Variants in PTK7 observed in about 807,000 individuals in gnomAD.
The protein encoded by PTK7 is protein tyrosine kinase 7 (inactive).
In PTK7, 39 loss-of-function variants were observed where a neutral mutation model predicts 116.6. The observed-to-expected ratio is 0.33, with a 90% confidence interval of 0.26 to 0.44. The LOEUF is 0.44. Among genes scored for constraint, PTK7 ranks in the 20% least tolerant of loss-of-function variants. PTK7 has a pLI of 1.00. For synonymous variants in PTK7, 546 were observed against 563.6 expected, an observed-to-expected ratio of 0.97 and a Z score of 0.44; for missense variants, 1,169 against 1,425.6, an observed-to-expected ratio of 0.82 and a Z score of 2.90.
intron 1 of PTK7, among the ~76,000 whole-genome samples, chr6:43,125,430 G>C (rs1561961552): frequency 6.6e-6 from 1 of 152,234 alleles, no homozygotes. Flanking sequence ...CCGAGGCTGA[G>C]CTGGGGTCTC....
At chr6:43,157,026 ATTATC>A (rs1771473842) in intron 17 of PTK7, among the ~76,000 whole-genome samples, 1 of 151,950 alleles carries the variant, frequency 6.6e-6, no homozygotes, top group Admixed American at 6.6e-5. Context: ...ATGGAATTAT[ATTATC>A]TAGGAACATG....
chr6:43,100,282 C>T (rs926572843), intron 1 of PTK7, among the ~76,000 whole-genome samples: 1 of 151,624 alleles, frequency 6.6e-6, no homozygotes, highest in African/African-American at 2.4e-5. Flanking sequence ...ACTCAGGAGG[C>T]TGAGGCAGGA....
At chr6:43,150,398 G>A (rs964683538) in intron 17 of PTK7, among the ~76,000 whole-genome samples, 17 of 152,196 alleles carry the variant, frequency 1.1e-4, no homozygotes, top group African/African-American at 3.9e-4. Flanking sequence ...AGGAAACACC[G>A]AATTGGCTTG....
chr6:43,157,326 C>CCATATATATATATATATATA (rs1771496006), intron 17 of PTK7, among the ~76,000 whole-genome samples: 1 of 22,006 alleles, frequency 4.5e-5, no homozygotes, highest in Non-Finnish European at 8.0e-5. Flanking sequence ...GACACACACG[C>CCATATATATATATATATATA]TATATATATA....
chr6:43,138,744 T>A, intron 7 of PTK7, 105 bp from the exon 8 acceptor site: 1 of 1,451,424 alleles, frequency 6.9e-7, no homozygotes, highest in South Asian at 1.4e-5. Flanking sequence ...AGCATGGGGC[T>A]TCTGAACTCA....
In PTK7 at chr6:43,139,367, C is replaced by T. The variant is rs757556798; in HGVS notation, c.1499-39C>T. 5.0e-6 allele frequency: 8 copies of T among 1,613,956 alleles called. No individual in the cohort carries two copies. In the East Asian group the frequency reaches 1.3e-4, roughly 27 times the overall value. ...CCTGGCCACGGCCTCTCCAGCGGCCCCAATTCCTCGTCTTTCTACCCACCC... is the reference window on the plus strand; with the variant it reads ...CCTGGCCACGGCCTCTCCAGCGGCCTCAATTCCTCGTCTTTCTACCCACCC... On this transcript the variant is annotated intron_variant, in intron 9 of 19. Coordinates refer to ENST00000230419, the MANE Select transcript of PTK7 (RefSeq NM_002821.5). This position sits in a 1 kb window ranked among gnomAD's most constrained non-coding sequence, Gnocchi z 4.6.
intron 17 of PTK7, among the ~76,000 whole-genome samples, chr6:43,156,228 C>CAAAAA (rs5875828): frequency 2.1e-5 from 1 of 47,278 alleles, no homozygotes; most frequent in Non-Finnish European, 3.7e-5. Flanking sequence ...TACCCTGTCT[C>CAAAAA]AAAAAAAAAA....
chr6:43,155,828 C>T (rs953677027), intron 17 of PTK7, among the ~76,000 whole-genome samples: 12 of 152,126 alleles, frequency 7.9e-5, no homozygotes, highest in African/African-American at 2.9e-4. Flanking sequence ...TTCTAGACTT[C>T]GTCTTAGGTA....
intron 17 of PTK7, among the ~76,000 whole-genome samples, chr6:43,150,914 C>T (rs3793008): frequency 0.27 from 40,295 of 147,986 alleles, 5,449 homozygotes; most frequent in Middle Eastern, 0.42. Context: ...TAGCTGGGAT[C>T]GCTCTTCAAG....
chr6:43,105,795 T>G (rs2150396101), intron 1 of PTK7, among the ~76,000 whole-genome samples: 1 of 152,246 alleles, frequency 6.6e-6, no homozygotes, highest in African/African-American at 2.4e-5. Context: ...GACAGAGGCG[T>G]GGAACAGACT....
At chr6:43,123,961 C>T (rs889584206) in intron 1 of PTK7, among the ~76,000 whole-genome samples, 1 of 152,146 alleles carries the variant, frequency 6.6e-6, no homozygotes, top group African/African-American at 2.4e-5. Context: ...ACTAAGGTAG[C>T]GTCACTAGGG....
At chr6:43,125,446 G>A (rs1184622425) in intron 1 of PTK7, among the ~76,000 whole-genome samples, 3 of 152,224 alleles carry the variant, frequency 2.0e-5, no homozygotes, top group Admixed American at 2.0e-4. Context: ...GTCTCTCTGA[G>A]TCACGCTGTC....
intron 1 of PTK7, among the ~76,000 whole-genome samples, chr6:43,079,324 A>G (rs1409666295): frequency 1.3e-5 from 2 of 152,072 alleles, no homozygotes; most frequent in African/African-American, 4.8e-5. Context: ...AAAATTAGCC[A>G]GGCGTGGTGG....
chr6:43,119,653 G>A (rs1363464995), intron 1 of PTK7, among the ~76,000 whole-genome samples: 1 of 152,212 alleles, frequency 6.6e-6, no homozygotes, highest in African/African-American at 2.4e-5. Flanking sequence ...CACTGGCTGA[G>A]CACCACAGAG....
intron 1 of PTK7, among the ~76,000 whole-genome samples, chr6:43,123,566 G>A (rs200712530): frequency 1.5e-5 from 2 of 137,056 alleles, no homozygotes; most frequent in East Asian, 5.2e-4. Flanking sequence ...AGCCCAGAGA[G>A]CAACACGGAG....
Position 43,159,832 on chromosome 6 carries a change from T to C in PTK7, c.2918T>C (p.Met973Thr). ...FRQAWVPLRW[M>T]SPEAILEGDF... The stretch of plus-strand genomic sequence containing the variant: ...CAGGCCTGGGTGCCGCTGCGCTGGA[T>C]GTCCCCCGAGGCCATCCTGGAGGGT... The change falls in exon 19 of 20, where the codon ATG becomes ACG. Residue 973 changes from methionine to threonine, a missense_variant. By Grantham distance (81) the Met-to-Thr change is moderately conservative. Around this residue, in one of 3 missense-constraint regions of PTK7, gnomAD observed 678 missense variants for 853.8 expected, o/e 0.79. Transcript: ENST00000230419. 1.2e-6 allele frequency: 2 copies of C among 1,614,206 alleles called. No individual in the cohort carries two copies. The highest frequency in any genetic ancestry group is 1.7e-6 in the Non-Finnish European group (2 of 1,180,022).
intron 1 of PTK7, among the ~76,000 whole-genome samples, chr6:43,127,079 A>G (rs1029520205): frequency 6.6e-6 from 1 of 152,220 alleles, no homozygotes. Flanking sequence ...TTCTCATGCC[A>G]TAAAGAACAG....
chr6:43,085,579 C>T (rs1766604558), intron 1 of PTK7, among the ~76,000 whole-genome samples: 2 of 151,740 alleles, frequency 1.3e-5, no homozygotes, highest in South Asian at 4.1e-4. Context: ...AGCCTTCGGA[C>T]CCTAGAATGG....
chr6:43,130,117 C>T, intron 3 of PTK7, 113 bp from the exon 4 acceptor site: 1 of 1,144,970 alleles, frequency 8.7e-7, no homozygotes, highest in Non-Finnish European at 1.2e-6. Flanking sequence ...CTTCCTCAGG[C>T]CGTTTCTCCA....
Sources: allele counts gnomAD v4.1 joint callset (sites outside exome capture counted in the v4.1 genomes callset), GRCh38; gene constraint gnomAD v4.1.1; regional missense constraint gnomAD v4.1.1; non-coding constraint Gnocchi (gnomAD v3.1); transcripts MANE v1.5; gene names NCBI Gene and HGNC (gene_info 2026-07-23, HGNC 2026-07-21).